The following MAF variants were observed in gnomAD, a reference collection of about 807,000 sequenced individuals.
MAF encodes the protein transcription factor Maf.
Under a neutral mutation model 22.0 loss-of-function variants are expected in MAF, and 10 were observed. The ratio of observed to expected loss-of-function variants is 0.45; its 90% CI spans 0.28 to 0.77. The LOEUF (loss-of-function observed/expected upper bound fraction) is 0.77. Among genes scored for constraint, MAF ranks in the 30% least tolerant of loss-of-function variants. MAF has a pLI of 0.12. For synonymous variants in MAF, 337 were observed against 255.8 expected (o/e 1.32, Z -3.03); for missense variants, 544 against 548.4 (o/e 0.99, Z 0.08).
the MAF span, among the ~76,000 whole-genome samples, chr16:79,222,654 T>A: frequency 6.6e-6 from 1 of 151,766 alleles, no homozygotes; most frequent in Non-Finnish European, 1.5e-5. Context: ...GAGACACAAA[T>A]AGGCTCAAAA....
the MAF span, among the ~76,000 whole-genome samples, chr16:79,366,257 G>C: frequency 2.0e-5 from 3 of 152,116 alleles, no homozygotes; most frequent in South Asian, 2.1e-4. Context: ...CCTTTAAAAC[G>C]TAACTGCACA....
chr16:79,217,285 T>G, the MAF span, among the ~76,000 whole-genome samples: 3,259 of 152,302 alleles, frequency 0.021, 30 homozygotes, highest in East Asian at 0.061. Flanking sequence ...CAGCTCCATC[T>G]GCCTTGAAGC....
the MAF span, among the ~76,000 whole-genome samples, chr16:79,288,417 C>A: frequency 6.6e-6 from 1 of 152,110 alleles, no homozygotes; most frequent in Non-Finnish European, 1.5e-5. Flanking sequence ...CAAGCTGCTA[C>A]GTGGGGAGGC....
chr16:79,356,182 GCACACA>G, the MAF span, among the ~76,000 whole-genome samples: 3 of 150,312 alleles, frequency 2.0e-5, 1 homozygote, highest in Admixed American at 1.3e-4. Flanking sequence ...TCATACATGT[GCACACA>G]CACACACACA....
chr16:79,404,854 C>G, the MAF span, among the ~76,000 whole-genome samples: 6 of 152,130 alleles, frequency 3.9e-5, no homozygotes, highest in African/African-American at 4.8e-5. Flanking sequence ...TATTTTTTCC[C>G]CATTACAAAT....
downstream of MAF, chr16:79,593,701 G>A (rs1332840459): frequency 6.1e-6 from 1 of 163,868 alleles, no homozygotes; most frequent in Non-Finnish European, 1.3e-5. Context: ...TAATGTGTCA[G>A]ATACATTGTA....
the MAF span, among the ~76,000 whole-genome samples, chr16:79,230,677 G>A: frequency 6.6e-6 from 1 of 152,028 alleles, no homozygotes; most frequent in Non-Finnish European, 1.5e-5. Context: ...CCAAGTATAC[G>A]AAAAGAGTTG....
the MAF span, among the ~76,000 whole-genome samples, chr16:79,491,141 C>A: frequency 2.0e-5 from 3 of 152,094 alleles, no homozygotes; most frequent in African/African-American, 7.2e-5. Flanking sequence ...TATTGAGACC[C>A]AGCAGCCTGA....
the MAF span, chr16:79,202,753 A>T: frequency 6.6e-6 from 1 of 152,246 alleles, no homozygotes; most frequent in Non-Finnish European, 1.5e-5. Flanking sequence ...GAATAGCAGC[A>T]TGCATAGCTT....
At chr16:79,377,041 T>C in the MAF span, among the ~76,000 whole-genome samples, 1 of 152,190 alleles carries the variant, frequency 6.6e-6, no homozygotes, top group South Asian at 2.1e-4. Context: ...ATATACCCAG[T>C]AATGGGATGG....
chr16:79,211,567 T>C, the MAF span: 3 of 1,613,422 alleles, frequency 1.9e-6, no homozygotes, highest in South Asian at 1.1e-5. Flanking sequence ...CATCACTCCT[T>C]TTCTTAAAAT....
the MAF span, among the ~76,000 whole-genome samples, chr16:79,386,302 G>A: frequency 3.9e-5 from 6 of 152,196 alleles, no homozygotes; most frequent in African/African-American, 1.2e-4. Context: ...CCTGCAATTA[G>A]TGGGTTCCAT....
At chr16:79,319,540 G>C in the MAF span, among the ~76,000 whole-genome samples, 1 of 152,166 alleles carries the variant, frequency 6.6e-6, no homozygotes, top group Non-Finnish European at 1.5e-5. Flanking sequence ...GAAAATTTGG[G>C]CTGTAACAGA....
At chr16:79,392,628 G>C in the MAF span, among the ~76,000 whole-genome samples, 1 of 152,110 alleles carries the variant, frequency 6.6e-6, no homozygotes, top group Non-Finnish European at 1.5e-5. Context: ...CAATGCCTAG[G>C]ATGTTTACTG....
At chr16:79,369,813 G>T in the MAF span, among the ~76,000 whole-genome samples, 2 of 152,210 alleles carry the variant, frequency 1.3e-5, no homozygotes, top group Non-Finnish European at 2.9e-5. Flanking sequence ...ATCTCAAATC[G>T]TGAAAACTTT....
the MAF span, among the ~76,000 whole-genome samples, chr16:79,302,680 G>T: frequency 4.6e-5 from 7 of 152,172 alleles, no homozygotes; most frequent in African/African-American, 1.7e-4. Flanking sequence ...CCCCCTGCAG[G>T]CGCTCTAGAA....
chr16:79,385,581 T>A, the MAF span, among the ~76,000 whole-genome samples: 1 of 152,196 alleles, frequency 6.6e-6, no homozygotes, highest in Non-Finnish European at 1.5e-5. Context: ...TGTTCTTAAT[T>A]TGGTTTTTAA....
intron 1 of MAF, chr16:79,596,384 C>A: frequency 9.4e-7 from 1 of 1,058,660 alleles, no homozygotes. Context: ...CCTATTCCTC[C>A]AGGAATCCTT....
At chr16:79,595,394 G>C (rs1161837000) in intron 1 of MAF, 1 of 1,052,634 alleles carries the variant, frequency 9.5e-7, no homozygotes, top group Admixed American at 5.5e-5. Context: ...AAGTCTTTCA[G>C]TCAGAGTTGC....
Sources: allele counts gnomAD v4.1 joint callset (sites outside exome capture counted in the v4.1 genomes callset), GRCh38; gene constraint gnomAD v4.1.1; transcripts MANE v1.5; gene names NCBI Gene and HGNC (gene_info 2026-07-23, HGNC 2026-07-21).